SLC47A2: variants seen among roughly 807,000 people sequenced by gnomAD.
SLC47A2 encodes the protein solute carrier family 47 member 2.
SLC47A2 carries 52 observed loss-of-function variants against 67.7 expected under a neutral mutation model. That is an observed-to-expected ratio of 0.77 (90% CI 0.61 to 0.97). SLC47A2 has a LOEUF of 0.97. SLC47A2 is among the 50% of genes least tolerant of loss of function. The probability of loss-of-function intolerance (pLI) is 0.00; values close to 1 mark genes in which losing one functional copy is unlikely to be tolerated. For synonymous variants in SLC47A2, 278 were observed against 292.9 expected (o/e 0.95, Z 0.52); for missense variants, 676 against 712.3 (o/e 0.95, Z 0.58).
intron 4 of SLC47A2, 29 bp from the exon 5 acceptor site, chr17:19,712,774 G>A: frequency 1.2e-6 from 2 of 1,609,550 alleles, no homozygotes; most frequent in Non-Finnish European, 1.7e-6. Flanking sequence ...CTCCGGAGCT[G>A]ACCAGGCTGT....
chr17:19,702,972 C>G (rs1357178364), intron 12 of SLC47A2, 120 bp downstream of exon 12: 1 of 1,145,554 alleles, frequency 8.7e-7, no homozygotes, highest in Non-Finnish European at 1.3e-6. Flanking sequence ...GAGAGCCAAG[C>G]CTGGGCTCTT....
intron 13 of SLC47A2, 71 bp downstream of exon 13, chr17:19,702,534 G>A: frequency 1.9e-6 from 3 of 1,593,924 alleles, no homozygotes; most frequent in Non-Finnish European, 2.6e-6. Flanking sequence ...AGCCCTGCGA[G>A]GTCCTGGGGA....
chr17:19,684,789 C>T (rs2085386507), intron 13 of SLC47A2, among the ~76,000 whole-genome samples: 1 of 152,212 alleles, frequency 6.6e-6, no homozygotes, highest in Admixed American at 6.5e-5. Context: ...AAACATGCAT[C>T]TATTAAAAAA....
intron 13 of SLC47A2, 120 bp downstream of exon 13, chr17:19,702,485 C>T: frequency 6.6e-7 from 1 of 1,516,960 alleles, no homozygotes; most frequent in Non-Finnish European, 8.9e-7. Context: ...ACTTACTATA[C>T]AGTTAGCCCT....
intron 13 of SLC47A2, among the ~76,000 whole-genome samples, chr17:19,698,608 G>T (rs1182724508): frequency 6.6e-6 from 1 of 152,114 alleles, no homozygotes; most frequent in Non-Finnish European, 1.5e-5. Flanking sequence ...CTTTGCCTCA[G>T]CCTCCCAAAG....
At chr17:19,702,527 C>A in intron 13 of SLC47A2, 78 bp downstream of exon 13, 3 of 1,583,046 alleles carry the variant, frequency 1.9e-6, no homozygotes, top group South Asian at 2.3e-5. Flanking sequence ...TCCTCACAGC[C>A]CTGCGAGGTC....
At chr17:19,692,672 C>T (rs1449102628) in intron 13 of SLC47A2, among the ~76,000 whole-genome samples, 1 of 152,148 alleles carries the variant, frequency 6.6e-6, no homozygotes, top group Non-Finnish European at 1.5e-5. Context: ...AGAATACTTC[C>T]AAACTCATTC....
intron 13 of SLC47A2, among the ~76,000 whole-genome samples, chr17:19,690,957 TA>T (rs922912457): frequency 2.6e-5 from 4 of 151,494 alleles, no homozygotes; most frequent in Non-Finnish European, 5.9e-5. Flanking sequence ...CCTTCTCTAC[TA>T]AAAAAAATAC....
chr17:19,703,022 T>G, intron 12 of SLC47A2, 70 bp downstream of exon 12: 1 of 1,504,682 alleles, frequency 6.6e-7, no homozygotes, highest in South Asian at 1.1e-5. Context: ...AGGAATGTGA[T>G]AAATCTGAGG....
chr17:19,680,100 C>A, intron 15 of SLC47A2, 61 bp from the exon 16 acceptor site: 5 of 1,511,462 alleles, frequency 3.3e-6, no homozygotes, highest in Non-Finnish European at 4.5e-6. Context: ...CCCTTCACTG[C>A]TAGCCTCGCA....
chr17:19,712,587 T>C (rs1293647962), intron 5 of SLC47A2, 116 bp downstream of exon 5: 2 of 1,085,748 alleles, frequency 1.8e-6, no homozygotes, highest in Non-Finnish European at 2.8e-6. Flanking sequence ...GTCACCCTCA[T>C]GGCCCAGCAG....
At chr17:19,698,317 C>T (rs1205393742) in intron 13 of SLC47A2, among the ~76,000 whole-genome samples, 1 of 152,136 alleles carries the variant, frequency 6.6e-6, no homozygotes, top group Non-Finnish European at 1.5e-5. Context: ...CACTTTCATA[C>T]ATGTTAGCTC....
In SLC47A2 at chr17:19,713,911, C is replaced by A; in HGVS notation, c.357G>T (p.Leu119=). 1 of 1,613,838 alleles carries A rather than the reference C, an allele frequency of 6.2e-7. No homozygotes were observed. Among genetic ancestry groups the A allele is most frequent in the Non-Finnish European group, 8.5e-7 (1 of 1,179,912 alleles). ...GVILQRGALV[L]LLCCLPCWAL... is the part of the protein sequence containing the mutation. ...CCCAGCAAGGGAGGCAGCAGAGGAG[C>A]AGGACCAGCGCGCCCCGCTGCAGGA... Residue 119 remains leucine, a synonymous_variant, in exon 4 of 17, where the codon CTG becomes CTT. Coordinates refer to ENST00000433844, the MANE Select transcript of SLC47A2 (RefSeq NM_001099646.3).
At chr17:19,713,694 C>T in intron 4 of SLC47A2, 131 bp downstream of exon 4, 1 of 1,285,012 alleles carries the variant, frequency 7.8e-7, no homozygotes, top group Non-Finnish European at 1.0e-6. Context: ...AAGGTACCCA[C>T]AGGCACCGTG....
At chr17:19,700,763 CA>C (rs67005913) in intron 13 of SLC47A2, among the ~76,000 whole-genome samples, 32,668 of 86,560 alleles carry the variant, frequency 0.38, 3,521 homozygotes, top group South Asian at 0.43. Flanking sequence ...AGACCTGTCT[CA>C]AAAAAAAAAA....
At chr17:19,691,779 G>A (rs928728855) in intron 13 of SLC47A2, among the ~76,000 whole-genome samples, 1 of 152,172 alleles carries the variant, frequency 6.6e-6, no homozygotes, top group East Asian at 1.9e-4. Flanking sequence ...AATGATTAAT[G>A]CTTGAGGTGA....
At chr17:19,681,799 G>T (rs985391102) in intron 13 of SLC47A2, 129 bp from the exon 14 acceptor site, 2 of 1,170,506 alleles carry the variant, frequency 1.7e-6, no homozygotes, top group African/African-American at 1.6e-5. Context: ...CTGGATGGGT[G>T]CCCTTATCTC....
intron 13 of SLC47A2, among the ~76,000 whole-genome samples, chr17:19,690,784 A>T (rs2085522913): frequency 6.6e-6 from 1 of 152,134 alleles, no homozygotes. Context: ...TCTATTCAAA[A>T]GGCAGGCACT....
intron 5 of SLC47A2, 93 bp downstream of exon 5, chr17:19,712,610 G>T: frequency 7.3e-7 from 1 of 1,371,726 alleles, no homozygotes; most frequent in Non-Finnish European, 1.0e-6. Flanking sequence ...AGTCACAGCA[G>T]GATAGGGATC....
Sources: allele counts gnomAD v4.1 joint callset (sites outside exome capture counted in the v4.1 genomes callset), GRCh38; gene constraint gnomAD v4.1.1; transcripts MANE v1.5; gene names NCBI Gene and HGNC (gene_info 2026-07-23, HGNC 2026-07-21).